The following FGF12 variants were observed in gnomAD, a reference collection of about 807,000 sequenced individuals.
FGF12 encodes fibroblast growth factor 12.
In FGF12, 14 loss-of-function variants were observed where a neutral mutation model predicts 23.6. The observed-to-expected ratio is 0.59, with a 90% CI of 0.39 to 0.93. The LOEUF is 0.93. Among genes scored for constraint, FGF12 ranks in the 40% least tolerant of loss-of-function variants. The pLI is 0.00. For synonymous variants in FGF12, 62 were observed against 77.3 expected (o/e 0.80, Z 1.04); for missense variants, 175 against 217.8 (o/e 0.80, Z 1.24).
intron 2 of FGF12, among the ~76,000 whole-genome samples, chr3:192,561,606 C>T (rs566990937): frequency 1.8e-4 from 28 of 152,244 alleles, no homozygotes; most frequent in African/African-American, 6.5e-4. Flanking sequence ...TTGTGATCCG[C>T]CCGCCTCGGC....
At chr3:192,554,302 T>C (rs1388385728) in intron 2 of FGF12, among the ~76,000 whole-genome samples, 1 of 152,140 alleles carries the variant, frequency 6.6e-6, no homozygotes, top group African/African-American at 2.4e-5. Flanking sequence ...CTGGGGGGAA[T>C]TGTTTCTGTG....
intron 4 of FGF12, among the ~76,000 whole-genome samples, chr3:192,191,459 C>T (rs1266996042): frequency 1.3e-5 from 2 of 152,138 alleles, no homozygotes; most frequent in Admixed American, 6.5e-5. Context: ...AATGTGGAGG[C>T]TATGCATGTG....
At chr3:192,407,668 C>CATGG (rs769640983) in intron 2 of FGF12, among the ~76,000 whole-genome samples, 174 of 151,332 alleles carry the variant, frequency 1.1e-3, no homozygotes, top group Non-Finnish European at 1.9e-3. Flanking sequence ...CGGATAGATG[C>CATGG]ATGGATGGAT....
intron 4 of FGF12, among the ~76,000 whole-genome samples, chr3:192,271,646 C>A (rs1713444473): frequency 6.6e-6 from 1 of 152,060 alleles, no homozygotes; most frequent in Non-Finnish European, 1.5e-5. Context: ...CTAATTTTTC[C>A]TTTAGATATC....
At chr3:192,707,571 C>A (rs1718511045) in intron 2 of FGF12, among the ~76,000 whole-genome samples, 1 of 151,848 alleles carries the variant, frequency 6.6e-6, no homozygotes, top group Non-Finnish European at 1.5e-5. Flanking sequence ...CATGGTGAAA[C>A]CCCGTCTCTA....
intron 4 of FGF12, among the ~76,000 whole-genome samples, chr3:192,186,042 A>G (rs1040170323): frequency 1.3e-5 from 2 of 152,096 alleles, no homozygotes; most frequent in Admixed American, 6.6e-5. Flanking sequence ...GTATGATTCA[A>G]CCTCCTCTTC....
chr3:192,317,277 C>G (rs1716276306), intron 4 of FGF12, among the ~76,000 whole-genome samples: 1 of 151,940 alleles, frequency 6.6e-6, no homozygotes, highest in Non-Finnish European at 1.5e-5. Flanking sequence ...CAAGCAGGTT[C>G]CCAGGGTAGC....
chr3:192,375,596 AT>A (rs201176560), intron 2 of FGF12, among the ~76,000 whole-genome samples: 1 of 152,062 alleles, frequency 6.6e-6, no homozygotes, highest in Admixed American at 6.5e-5. Context: ...TCGTCATAAG[AT>A]TTTTTTCGTT....
intron 2 of FGF12, among the ~76,000 whole-genome samples, chr3:192,714,274 GT>G (rs1718788025): frequency 6.6e-6 from 1 of 152,040 alleles, no homozygotes; most frequent in Admixed American, 6.6e-5. Flanking sequence ...TTCAGAAACT[GT>G]TCTTTTAGAA....
intron 2 of FGF12, among the ~76,000 whole-genome samples, chr3:192,700,908 C>T (rs1718272473): frequency 6.6e-6 from 1 of 152,128 alleles, no homozygotes; most frequent in Admixed American, 6.6e-5. Flanking sequence ...GTATGTTACT[C>T]CAAAATATAT....
At chr3:192,703,011 A>G (rs1718351922) in intron 2 of FGF12, among the ~76,000 whole-genome samples, 1 of 152,232 alleles carries the variant, frequency 6.6e-6, no homozygotes. Flanking sequence ...TATACCTGAC[A>G]AAGTCTGTTT....
intron 2 of FGF12, among the ~76,000 whole-genome samples, chr3:192,586,763 G>A (rs757223964): frequency 6.6e-6 from 1 of 152,034 alleles, no homozygotes; most frequent in Non-Finnish European, 1.5e-5. Flanking sequence ...TCTAGGTAAC[G>A]CCATAGAGAT....
At chr3:192,349,639 A>T (rs567649948) in intron 3 of FGF12, among the ~76,000 whole-genome samples, 2 of 152,224 alleles carry the variant, frequency 1.3e-5, no homozygotes, top group Non-Finnish European at 2.9e-5. Context: ...TAACACTGCG[A>T]AAGTGTCTTC....
chr3:192,201,738 A>C (rs746328976), intron 4 of FGF12, among the ~76,000 whole-genome samples: 4 of 152,234 alleles, frequency 2.6e-5, no homozygotes, highest in Non-Finnish European at 5.9e-5. Context: ...ATGTCTCATT[A>C]GCTTATTGAA....
At chr3:192,708,139 T>C (rs977055519) in intron 2 of FGF12, among the ~76,000 whole-genome samples, 8 of 152,026 alleles carry the variant, frequency 5.3e-5, no homozygotes, top group Admixed American at 1.3e-4. Context: ...TTTTGTATTT[T>C]TAGTAGAGAC....
chr3:192,667,294 A>G (rs992724290), intron 2 of FGF12, among the ~76,000 whole-genome samples: 1 of 152,118 alleles, frequency 6.6e-6, no homozygotes. Context: ...AAAAACCCAC[A>G]TGAGCAGAGT....
At chr3:192,402,993 TC>T (rs1720825044) in intron 2 of FGF12, among the ~76,000 whole-genome samples, 1 of 152,158 alleles carries the variant, frequency 6.6e-6, no homozygotes, top group Non-Finnish European at 1.5e-5. Flanking sequence ...TTTTGTGGAA[TC>T]ATCATACAAT....
intron 2 of FGF12, among the ~76,000 whole-genome samples, chr3:192,722,782 C>T (rs1261045078): frequency 1.3e-5 from 2 of 152,146 alleles, no homozygotes; most frequent in African/African-American, 4.8e-5. Flanking sequence ...ATGTTAAAGG[C>T]TCAGATTTTG....
At chr3:192,170,418 C>A (rs752967698) in intron 5 of FGF12, 40 bp downstream of exon 5, 1 of 1,560,344 alleles carries the variant, frequency 6.4e-7, no homozygotes, top group South Asian at 1.1e-5. Flanking sequence ...TGTCAACACA[C>A]AGATAAGGGT....
Sources: allele counts gnomAD v4.1 joint callset (sites outside exome capture counted in the v4.1 genomes callset), GRCh38; gene constraint gnomAD v4.1.1; transcripts MANE v1.5; gene names NCBI Gene and HGNC (gene_info 2026-07-23, HGNC 2026-07-21).